The following ZNF804B variants were observed in gnomAD, a reference collection of about 807,000 sequenced individuals.
ZNF804B encodes the protein zinc finger protein 804B.
ZNF804B carries 80 observed loss-of-function variants against 101.4 expected under a neutral mutation model. The observed-to-expected ratio is 0.79, with a 90% confidence interval of 0.66 to 0.95. The LOEUF (loss-of-function observed/expected upper bound fraction) is 0.95. Among genes scored for constraint, ZNF804B ranks in the 40% least tolerant of loss-of-function variants. ZNF804B has a pLI of 0.00. For missense variants in ZNF804B, 1,673 were observed against 1,561.9 expected, an observed-to-expected ratio of 1.07 and a Z score of -1.20; for synonymous variants, 622 against 558.8, an observed-to-expected ratio of 1.11 and a Z score of -1.59.
At chr7:89,213,317 C>G (rs569932275) in intron 1 of ZNF804B, among the ~76,000 whole-genome samples, 1 of 152,162 alleles carries the variant, frequency 6.6e-6, no homozygotes, top group South Asian at 2.1e-4. Flanking sequence ...TATAATAGAA[C>G]GAGTTAGAGA....
chr7:88,798,027 G>A (rs1790518088), intron 1 of ZNF804B, among the ~76,000 whole-genome samples: 1 of 151,856 alleles, frequency 6.6e-6, no homozygotes, highest in Non-Finnish European at 1.5e-5. Context: ...TCTCCTCCAG[G>A]TCTAGTTTTT....
At chr7:89,010,744 A>G (rs1246085509) in intron 1 of ZNF804B, among the ~76,000 whole-genome samples, 3 of 152,186 alleles carry the variant, frequency 2.0e-5, no homozygotes, top group Non-Finnish European at 4.4e-5. Flanking sequence ...TTTCTTTTCT[A>G]CCATTATAAA....
intron 2 of ZNF804B, among the ~76,000 whole-genome samples, chr7:89,276,686 T>C (rs1292950871): frequency 6.6e-6 from 1 of 151,814 alleles, no homozygotes; most frequent in Admixed American, 6.6e-5. Flanking sequence ...TTTGAAAGTA[T>C]ATTTGTTAAT....
intron 1 of ZNF804B, among the ~76,000 whole-genome samples, chr7:88,956,074 A>G (rs569185586): frequency 6.6e-6 from 1 of 151,706 alleles, no homozygotes; most frequent in South Asian, 2.1e-4. Flanking sequence ...TATCAAAAAG[A>G]CAAAAAATAA....
intron 1 of ZNF804B, among the ~76,000 whole-genome samples, chr7:88,902,737 A>G (rs1043292050): frequency 6.6e-5 from 10 of 152,208 alleles, no homozygotes; most frequent in African/African-American, 2.2e-4. Context: ...TATGTTATAA[A>G]TGAAAGTTTA....
chr7:88,874,054 C>G (rs1791883974), intron 1 of ZNF804B, among the ~76,000 whole-genome samples: 1 of 152,234 alleles, frequency 6.6e-6, no homozygotes, highest in African/African-American at 2.4e-5. Context: ...TGTAAATTAC[C>G]TTGGGCAGTA....
chr7:89,299,408 GT>G (rs201597643), intron 2 of ZNF804B, among the ~76,000 whole-genome samples: 3,569 of 151,698 alleles, frequency 0.024, 61 homozygotes, highest in Middle Eastern at 0.061. Context: ...TTATTTGCTT[GT>G]TTGACAGTTG....
chr7:89,147,754 T>C (rs370187623), intron 1 of ZNF804B, among the ~76,000 whole-genome samples: 66 of 151,874 alleles, frequency 4.3e-4, no homozygotes, highest in African/African-American at 1.5e-3. Context: ...ACGAACCCTA[T>C]TGTGAACTGT....
At chr7:88,969,395 A>T (rs781468245) in intron 1 of ZNF804B, among the ~76,000 whole-genome samples, 7 of 151,652 alleles carry the variant, frequency 4.6e-5, no homozygotes, top group Non-Finnish European at 8.9e-5. Flanking sequence ...AATGGGTAAA[A>T]TACATCAATT....
At chr7:88,909,812 T>G in intron 1 of ZNF804B, among the ~76,000 whole-genome samples, 1 of 151,776 alleles carries the variant, frequency 6.6e-6, no homozygotes, top group East Asian at 1.9e-4. Context: ...TGATTGCTAT[T>G]TACTTCCTGA....
In ZNF804B at chr7:89,203,013, A is replaced by C. The variant is rs372324554; in HGVS notation, c.109-15142A>C. ...TAGACTAGTTCTCTACACAGCACAC[A>C]CACACACATACACACACATGTACAT... On this transcript the variant is annotated intron_variant, in intron 1 of 3. Transcript: ENST00000333190. Among the ~76,000 whole-genome samples, 26 of 152,196 alleles carry C rather than the reference A, an allele frequency of 1.7e-4. No individual in the cohort carries two copies. In the East Asian group the frequency reaches 2.3e-3, roughly 14 times the overall value.
chr7:89,059,812 C>A (rs746823870), intron 1 of ZNF804B, among the ~76,000 whole-genome samples: 3 of 151,938 alleles, frequency 2.0e-5, no homozygotes, highest in Non-Finnish European at 2.9e-5. Flanking sequence ...TTGGGTGTGT[C>A]TGTGAGGGTG....
intron 2 of ZNF804B, among the ~76,000 whole-genome samples, chr7:89,302,364 C>T (rs1775808920): frequency 2.0e-5 from 3 of 151,802 alleles, no homozygotes. Flanking sequence ...TGGATGGACC[C>T]TTGGTGTTAG....
intron 1 of ZNF804B, among the ~76,000 whole-genome samples, chr7:89,213,325 A>G (rs2115684229): frequency 6.6e-6 from 1 of 152,328 alleles, no homozygotes; most frequent in East Asian, 1.9e-4. Context: ...AACGAGTTAG[A>G]GAATATTAGA....
chr7:89,237,979 C>T (rs1356626964), intron 2 of ZNF804B, among the ~76,000 whole-genome samples: 1 of 151,978 alleles, frequency 6.6e-6, no homozygotes, highest in Non-Finnish European at 1.5e-5. Context: ...AATAATTGCC[C>T]CTCTCACAAA....
At chr7:89,069,725 A>G (rs540265935) in intron 1 of ZNF804B, among the ~76,000 whole-genome samples, 1 of 152,250 alleles carries the variant, frequency 6.6e-6, no homozygotes, top group East Asian at 1.9e-4. Flanking sequence ...ATATCTTTTT[A>G]GTCGAATTTT....
At chr7:88,931,015 C>T (rs896779999) in intron 1 of ZNF804B, among the ~76,000 whole-genome samples, 2 of 151,840 alleles carry the variant, frequency 1.3e-5, no homozygotes, top group Non-Finnish European at 1.5e-5. Flanking sequence ...TGAACCATAA[C>T]ATTTATAATT....
intron 1 of ZNF804B, among the ~76,000 whole-genome samples, chr7:89,054,849 T>G (rs1238014389): frequency 1.3e-5 from 2 of 151,988 alleles, no homozygotes; most frequent in African/African-American, 4.8e-5. Flanking sequence ...GTCATCCTCA[T>G]TTTTTTCCTT....
chr7:88,886,841 T>C (rs1001272096), intron 1 of ZNF804B, among the ~76,000 whole-genome samples: 3 of 151,804 alleles, frequency 2.0e-5, no homozygotes, highest in Non-Finnish European at 4.4e-5. Flanking sequence ...ATATCTAGTA[T>C]ATTGTAATTG....
Sources: allele counts gnomAD v4.1 joint callset (sites outside exome capture counted in the v4.1 genomes callset), GRCh38; gene constraint gnomAD v4.1.1; transcripts MANE v1.5; gene names NCBI Gene and HGNC (gene_info 2026-07-23, HGNC 2026-07-21).